The following DENR variants were observed in gnomAD, a reference collection of about 807,000 sequenced individuals.
The protein encoded by DENR is density-regulated protein.
A neutral mutation model predicts 30.6 loss-of-function variants in DENR; 6 were observed. That is an observed-to-expected ratio of 0.20 (90% CI 0.11 to 0.39). The LOEUF (loss-of-function observed/expected upper bound fraction) is 0.39, where lower values mean the gene tolerates loss of function less well. Among genes scored for constraint, DENR ranks in the 10% least tolerant of loss-of-function variants. The pLI is 1.00. For synonymous variants in DENR, 78 were observed against 72.1 expected (o/e 1.08, Z -0.41); for missense variants, 141 against 230.9 (o/e 0.61, Z 2.52).
chr12:122,762,764 T>C (rs1878736270), intron 3 of DENR, 81 bp from the exon 4 acceptor site: 1 of 917,668 alleles, frequency 1.1e-6, no homozygotes, highest in African/African-American at 1.7e-5. Flanking sequence ...TATTAACAAG[T>C]ATAGGGGGTG....
At chr12:122,755,304 G>A (rs1878518329) in intron 2 of DENR, among the ~76,000 whole-genome samples, 2 of 152,214 alleles carry the variant, frequency 1.3e-5, no homozygotes, top group South Asian at 2.1e-4. Context: ...AAGGGGCCGG[G>A]CGCAGTGGCT....
intron 2 of DENR, among the ~76,000 whole-genome samples, chr12:122,757,747 A>T (rs899701896): frequency 3.9e-5 from 6 of 152,196 alleles, no homozygotes; most frequent in African/African-American, 1.4e-4. Context: ...GTACGATAAG[A>T]TGTTTGAAAA....
chr12:122,756,608 G>A (rs1020139950), intron 2 of DENR, among the ~76,000 whole-genome samples: 8 of 152,218 alleles, frequency 5.3e-5, no homozygotes, highest in African/African-American at 1.7e-4. Flanking sequence ...AGGCACAGAA[G>A]GGCTGAAGGT....
rs1878930594 is a variant in DENR at position 122,769,151 on chromosome 12, AATATATATATATATACACAT to A, written c.*80_*99del. ...GGCCAAAGGGAGAGAGGCCTTTTAA[AATATATATATATATACACAT>A]ATATATGTATATATACACATATATG... is the stretch of plus-strand genomic sequence containing the variant. On this transcript the variant is annotated 3_prime_UTR_variant, in exon 8 of 8. Coordinates refer to ENST00000280557, the MANE Select transcript of DENR (RefSeq NM_003677.5). 1.5e-6 allele frequency: 2 copies of A among 1,375,228 alleles called. No homozygotes were observed. Among genetic ancestry groups the A allele is most frequent in the Admixed American group, 2.4e-5 (1 of 42,486 alleles). The allele number at this position is 1,375,228 out of a possible 1,614,324, so 85.2% of individuals were successfully genotyped here.
intron 5 of DENR, 116 bp downstream of exon 5, chr12:122,765,503 G>A: frequency 1.2e-6 from 1 of 832,486 alleles, no homozygotes; most frequent in East Asian, 2.7e-5. Flanking sequence ...TATAGTCACA[G>A]CTTCTTAGGG....
At chr12:122,768,493 G>A (rs1167454308) in intron 6 of DENR, among the ~76,000 whole-genome samples, 4 of 146,998 alleles carry the variant, frequency 2.7e-5, no homozygotes, top group Non-Finnish European at 5.9e-5. Context: ...GCAAGACTCC[G>A]TCTCAAAAAA....
intron 2 of DENR, among the ~76,000 whole-genome samples, chr12:122,756,734 G>A (rs1243909930): frequency 3.3e-5 from 5 of 152,118 alleles, no homozygotes; most frequent in Admixed American, 1.3e-4. Context: ...AGGGGCAGCC[G>A]GAAATTATGG....
intron 1 of DENR, 111 bp from the exon 2 acceptor site, chr12:122,753,582 C>A: frequency 2.6e-6 from 2 of 775,186 alleles, no homozygotes; most frequent in Admixed American, 2.1e-5. Context: ...CCCCACTCAA[C>A]AACAGACTTG....
At chr12:122,756,043 AT>A (rs1878541529) in intron 2 of DENR, among the ~76,000 whole-genome samples, 1 of 152,254 alleles carries the variant, frequency 6.6e-6, no homozygotes, top group Non-Finnish European at 1.5e-5. Flanking sequence ...TTTACCTAGT[AT>A]CTCTGATGTA....
At chr12:122,767,690 C>T in intron 6 of DENR, 86 bp downstream of exon 6, 1 of 685,168 alleles carries the variant, frequency 1.5e-6, no homozygotes, top group Non-Finnish European at 2.2e-6. Context: ...CTCTCTCTCA[C>T]ATACCATGAA....
At chr12:122,755,273 C>T (rs561205314) in intron 2 of DENR, among the ~76,000 whole-genome samples, 1 of 152,262 alleles carries the variant, frequency 6.6e-6, no homozygotes, top group East Asian at 1.9e-4. Flanking sequence ...TTTTATTTTT[C>T]TGTAATTATG....
rs910807221 is a variant in DENR at position 122,762,219 on chromosome 12, A to G, written c.126+13A>G. On this transcript the variant is annotated intron_variant, in intron 3 of 7. Transcript: ENST00000280557. The stretch of plus-strand genomic sequence containing the variant: ...ATTACCAACAGAGGTAAGTTCTTTA[A>G]TTTTTTTTTTTACCTTATGTATTTG... 6.8e-6 allele frequency: 8 copies of G among 1,176,312 alleles called. No individual in the cohort carries two copies. The highest frequency in any genetic ancestry group is 9.2e-6 in the Non-Finnish European group (8 of 870,810). 72.9% of individuals were successfully genotyped at this position (1,176,312 alleles called of 1,614,324 possible).
chr12:122,760,725 C>T (rs1053975831), intron 2 of DENR, among the ~76,000 whole-genome samples: 3 of 151,904 alleles, frequency 2.0e-5, no homozygotes, highest in Admixed American at 6.6e-5. Context: ...AGCAAGACTC[C>T]GTCTCAAAAA....
intron 2 of DENR, among the ~76,000 whole-genome samples, chr12:122,754,896 C>T (rs1475329660): frequency 6.6e-6 from 1 of 151,928 alleles, no homozygotes; most frequent in Non-Finnish European, 1.5e-5. Context: ...GAGGGTTAAT[C>T]AAAGAAAAGA....
intron 6 of DENR, 66 bp downstream of exon 6, chr12:122,767,670 C>A (rs911666397): frequency 1.2e-6 from 1 of 864,426 alleles, no homozygotes. Flanking sequence ...CCCTCTATCT[C>A]TCTGTCTCTC....
Position 122,770,923 on chromosome 12 carries a change from C to T in DENR, c.*1845C>T, listed in dbSNP as rs1256855199. 5.1e-6 allele frequency: 2 copies of T among 392,478 alleles called. No individual in the cohort carries two copies. The highest frequency in any genetic ancestry group is 9.0e-6 in the Non-Finnish European group (2 of 223,056). The allele number at this position is 392,478 out of a possible 1,614,324, so 24.3% of individuals were successfully genotyped here. ...GTAGTCTGTTGCTGCTGAAAGATGT[C>T]TGTGTGCCTGTATCAACATGTGACT... On this transcript the variant is annotated 3_prime_UTR_variant, in exon 8 of 8. Coordinates refer to ENST00000280557, the MANE Select transcript of DENR (RefSeq NM_003677.5).
chr12:122,767,441 C>A, intron 5 of DENR, 47 bp from the exon 6 acceptor site: 1 of 1,218,990 alleles, frequency 8.2e-7, no homozygotes, highest in South Asian at 1.5e-5. Context: ...ACAGTATTCT[C>A]TTATGTCAAA....
At position 122,767,585 on chromosome 12, in the gene DENR, A is replaced by G; in HGVS notation, c.393A>G (p.Val131=). The part of the protein sequence containing the change: ...PRAKKKYVTR[V]CGLATFEIDL... ...CAAAGAAGAAATATGTGACAAGAGT[A>G]TGTGGCCTTGCAACTTTTGGTGAGT... Residue 131 remains valine (V), a synonymous_variant, in exon 6 of 8, where the codon GTA becomes GTG. Coordinates refer to ENST00000280557, the MANE Select transcript of DENR (RefSeq NM_003677.5). The G allele has an allele frequency of 6.3e-7, 1 of 1,598,134 alleles. No individual in the cohort carries two copies. Among genetic ancestry groups the G allele is most frequent in the Non-Finnish European group, 8.5e-7 (1 of 1,173,204 alleles).
rs1878474009 is a variant in DENR at position 122,753,678 on chromosome 12, T to C, written c.-9-15T>C. The C allele has an allele frequency of 1.2e-6, 2 of 1,601,448 alleles. No homozygotes were observed. Among genetic ancestry groups the C allele is most frequent in the East Asian group, 2.2e-5 (1 of 44,800 alleles). ...TTCTAAAATAGTGAGGGTGTGTTAT[T>C]TTCCTTGCTTACAGGTTTGTGAAAT... On this transcript the variant is annotated splice_polypyrimidine_tract_variant and intron_variant, in intron 1 of 7. Coordinates refer to ENST00000280557, the MANE Select transcript of DENR (RefSeq NM_003677.5).
Sources: allele counts gnomAD v4.1 joint callset (sites outside exome capture counted in the v4.1 genomes callset), GRCh38; gene constraint gnomAD v4.1.1; transcripts MANE v1.5; gene names NCBI Gene and HGNC (gene_info 2026-07-23, HGNC 2026-07-21).